The following FRMD3 variants were observed in gnomAD, a reference collection of about 807,000 sequenced individuals.
FRMD3 encodes FERM domain containing 3, also known as FERM domain-containing protein 3.
Under a neutral mutation model 70.2 loss-of-function variants are expected in FRMD3, and 33 were observed. That is an observed-to-expected ratio of 0.47 (90% CI 0.36 to 0.63). The LOEUF (loss-of-function observed/expected upper bound fraction) is 0.63, where lower values mean the gene tolerates loss of function less well. Ranked by LOEUF, FRMD3 falls within the 20% of genes least tolerant of loss-of-function variation. FRMD3 has a pLI of 0.00. For synonymous variants in FRMD3, 279 were observed against 255.9 expected (o/e 1.09, Z -0.86); for missense variants, 632 against 711.4 (o/e 0.89, Z 1.27).
At chr9:83,432,303 G>A (rs1564074623) in intron 1 of FRMD3, among the ~76,000 whole-genome samples, 1 of 152,328 alleles carries the variant, frequency 6.6e-6, no homozygotes, top group East Asian at 1.9e-4. Context: ...TTGCCACTGA[G>A]CCAGGAGCCA....
At chr9:83,299,230 T>A (rs752605019) in intron 10 of FRMD3, 44 bp from the exon 11 acceptor site, 9 of 1,313,548 alleles carry the variant, frequency 6.9e-6, no homozygotes, top group Middle Eastern at 1.8e-4. Flanking sequence ...CATTGGAAAG[T>A]CCACTTACAA....
chr9:83,361,179 T>C (rs1043290276), intron 3 of FRMD3, among the ~76,000 whole-genome samples: 9 of 152,238 alleles, frequency 5.9e-5, no homozygotes, highest in African/African-American at 2.2e-4. Context: ...TTGGGGACTT[T>C]GTACTTTTTG....
intron 1 of FRMD3, among the ~76,000 whole-genome samples, chr9:83,478,687 A>T (rs1233281075): frequency 6.6e-6 from 1 of 152,214 alleles, no homozygotes; most frequent in Non-Finnish European, 1.5e-5. Flanking sequence ...ACTAGAAAAG[A>T]TATGTGTACA....
intron 13 of FRMD3, chr9:83,276,654 C>A (rs771702314): frequency 3.3e-5 from 5 of 152,186 alleles, no homozygotes; most frequent in African/African-American, 1.2e-4. Flanking sequence ...AGCAAATGGT[C>A]GCTACATGCA....
intron 1 of FRMD3, among the ~76,000 whole-genome samples, chr9:83,507,648 C>T (rs569592778): frequency 6.2e-5 from 8 of 129,818 alleles, no homozygotes; most frequent in South Asian, 2.5e-4. Flanking sequence ...CCAGCCTGGG[C>T]GACACAGCGA....
chr9:83,377,188 T>G (rs967028448), intron 2 of FRMD3, among the ~76,000 whole-genome samples: 2 of 152,158 alleles, frequency 1.3e-5, no homozygotes, highest in East Asian at 3.8e-4. Context: ...TTACCATATC[T>G]TTAATATGTT....
At chr9:83,262,359 C>T (rs146710951) in intron 13 of FRMD3, among the ~76,000 whole-genome samples, 84 of 152,298 alleles carry the variant, frequency 5.5e-4, no homozygotes, top group African/African-American at 1.9e-3. Context: ...TCATGCACTG[C>T]TCACATCTGT....
chr9:83,354,884 T>C (rs181383767), intron 3 of FRMD3, among the ~76,000 whole-genome samples: 44 of 152,278 alleles, frequency 2.9e-4, no homozygotes, highest in African/African-American at 1.1e-3. Flanking sequence ...TTTTACTACC[T>C]TGAAAAAAAA....
At chr9:83,510,267 A>G (rs1378706933) in intron 1 of FRMD3, among the ~76,000 whole-genome samples, 1 of 152,242 alleles carries the variant, frequency 6.6e-6, no homozygotes, top group African/African-American at 2.4e-5. Context: ...TATAGTCAAG[A>G]TGCAGATGGA....
Position 83,538,273 on chromosome 9 carries a change from C to A in FRMD3, c.-42G>T. On this transcript the variant is annotated 5_prime_UTR_variant, in exon 1 of 14. Coordinates refer to ENST00000304195, the MANE Select transcript of FRMD3 (RefSeq NM_174938.6). This position sits in a 1 kb window ranked among gnomAD's most constrained non-coding sequence, Gnocchi z 4.7. Reference sequence around the variant, plus strand: ...GAGCGAGCGGGAGGCTCAGGGCCGGCGCGGTGCTCGCCTGCGCGGACACAC... The same window carrying A: ...GAGCGAGCGGGAGGCTCAGGGCCGGAGCGGTGCTCGCCTGCGCGGACACAC... 6.6e-7 allele frequency: 1 copy of A among 1,525,556 alleles called. No individual in the cohort carries two copies. Among genetic ancestry groups the A allele is most frequent in the South Asian group, 1.2e-5 (1 of 80,108 alleles). 94.5% of individuals were successfully genotyped at this position (1,525,556 alleles called of 1,614,324 possible).
intron 1 of FRMD3, among the ~76,000 whole-genome samples, chr9:83,429,219 C>G (rs1220750459): frequency 6.6e-6 from 1 of 152,090 alleles, no homozygotes; most frequent in Non-Finnish European, 1.5e-5. Context: ...CTGATGCCTC[C>G]CGTCACATCT....
chr9:83,520,523 T>C (rs1587514509), intron 1 of FRMD3, among the ~76,000 whole-genome samples: 1 of 152,334 alleles, frequency 6.6e-6, no homozygotes, highest in East Asian at 1.9e-4. Context: ...CTAGCATGTG[T>C]AACTATGTAA....
At chr9:83,399,929 A>G (rs771019446) in intron 1 of FRMD3, among the ~76,000 whole-genome samples, 26 of 152,278 alleles carry the variant, frequency 1.7e-4, no homozygotes, top group Middle Eastern at 6.8e-3. Context: ...CAAGGCAAAG[A>G]TGTCCTCTCT....
intron 13 of FRMD3, among the ~76,000 whole-genome samples, chr9:83,288,178 C>G (rs1834289925): frequency 6.6e-6 from 1 of 152,206 alleles, no homozygotes; most frequent in African/African-American, 2.4e-5. Flanking sequence ...TCTAATCTGT[C>G]TCTCTTCTCT....
chr9:83,513,767 T>TC, intron 1 of FRMD3, among the ~76,000 whole-genome samples: 1 of 152,216 alleles, frequency 6.6e-6, no homozygotes, highest in South Asian at 2.1e-4. Flanking sequence ...GGTACCCAGT[T>TC]CATCTCATTG....
the FRMD3 span, among the ~76,000 whole-genome samples, chr9:83,545,322 G>T: frequency 1.3e-5 from 2 of 149,308 alleles, no homozygotes; most frequent in Non-Finnish European, 3.0e-5. Context: ...AACCCAATCT[G>T]ACAAAAATAC....
chr9:83,519,266 A>C (rs1829519928), intron 1 of FRMD3, among the ~76,000 whole-genome samples: 1 of 152,220 alleles, frequency 6.6e-6, no homozygotes, highest in Non-Finnish European at 1.5e-5. Context: ...TAATATCCAG[A>C]ATCTACAAGG....
At chr9:83,556,232 A>G in the FRMD3 span, among the ~76,000 whole-genome samples, 1 of 152,210 alleles carries the variant, frequency 6.6e-6, no homozygotes, top group African/African-American at 2.4e-5. Flanking sequence ...TGGTTTATTA[A>G]AACATAACAA....
In FRMD3 at chr9:83,310,505, C is replaced by T; in HGVS notation, c.817G>A (p.Val273Met). 6.2e-7 allele frequency: 1 copy of T among 1,606,084 alleles called. No homozygotes were observed. The highest frequency in any genetic ancestry group is 1.1e-5 in the South Asian group (1 of 89,112). The change falls in exon 9 of 14, where the codon GTG becomes ATG. Residue 273 changes from valine to methionine, a missense_variant. Val to Met is a conservative substitution (Grantham distance 21). This residue lies in a region of FRMD3 where 418 missense variants were observed against 442.1 expected (regional missense o/e 0.95). Transcript: ENST00000304195. The stretch of plus-strand genomic sequence containing the variant: ...CTGACCTCCTTCTGGGTGCCAATCA[C>T]ATAAAATGTCTTCCCTTCAAACTTC... ...KLKFEGKTFYVIGTQKEKKAM... is the reference protein window; with the variant it reads ...KLKFEGKTFYMIGTQKEKKAM...
Sources: gnomAD v4.1 joint callset for allele counts (sites outside exome capture counted in the v4.1 genomes callset) on GRCh38, gnomAD v4.1.1 for gene constraint, gnomAD v4.1.1 regional missense constraint, Gnocchi (gnomAD v3.1) non-coding constraint, MANE v1.5 for transcripts, NCBI Gene and HGNC (gene_info 2026-07-23, HGNC 2026-07-21) for gene names.